IQCE: variants seen among roughly 807,000 people sequenced by gnomAD.
IQCE encodes the protein IQ domain-containing protein E.
In IQCE, 115 loss-of-function variants were observed where a neutral mutation model predicts 96.0. The observed-to-expected ratio is 1.20, with a 90% CI of 1.03 to 1.40. The LOEUF is 1.40. Ranked by LOEUF, IQCE falls within the 40% of genes most tolerant of loss-of-function variation. IQCE has a pLI of 0.00. For synonymous variants in IQCE, 412 were observed against 371.2 expected, an observed-to-expected ratio of 1.11 and a Z score of -1.26; for missense variants, 1,041 against 909.1, an observed-to-expected ratio of 1.15 and a Z score of -1.87.
rs1055605233 is a variant in IQCE at position 2,592,472 on chromosome 7, T to G, written c.1245-550T>G. 2.0e-5 allele frequency among the ~76,000 whole-genome samples: 3 copies of G among 152,334 alleles called. No individual in the cohort carries two copies. In the South Asian group the frequency reaches 6.2e-4, roughly 32 times the overall value. On this transcript the variant is annotated intron_variant, in intron 14 of 21. Transcript: ENST00000402050. ...GAAGCACTCTAGGGTTGCTGGCATTTAATACAGAGACTCACAGGCCCTGAG... is the reference window on the plus strand; with the variant it reads ...GAAGCACTCTAGGGTTGCTGGCATTGAATACAGAGACTCACAGGCCCTGAG...
intron 14 of IQCE, among the ~76,000 whole-genome samples, chr7:2,591,737 C>T (rs926504529): frequency 6.6e-6 from 1 of 151,996 alleles, no homozygotes; most frequent in African/African-American, 2.4e-5. Flanking sequence ...TCTCATGCCT[C>T]AGCCTCCCAA....
At chr7:2,604,590 A>T (rs1008592930) in intron 18 of IQCE, among the ~76,000 whole-genome samples, 1 of 152,176 alleles carries the variant, frequency 6.6e-6, no homozygotes, top group Non-Finnish European at 1.5e-5. Context: ...ACCAGCTCCT[A>T]TTAGCCGCTG....
chr7:2,574,095 C>T (rs997765125), intron 6 of IQCE, among the ~76,000 whole-genome samples: 1 of 152,214 alleles, frequency 6.6e-6, no homozygotes, highest in Non-Finnish European at 1.5e-5. Flanking sequence ...TGAGCTGTAT[C>T]GTCATTGTCA....
intron 2 of IQCE, among the ~76,000 whole-genome samples, chr7:2,568,614 GC>G (rs1377218876): frequency 6.6e-6 from 1 of 152,200 alleles, no homozygotes; most frequent in East Asian, 1.9e-4. Context: ...ACAGAGGTGC[GC>G]TGGGCTCCCA....
chr7:2,606,048 C>A, intron 20 of IQCE, 51 bp downstream of exon 20: 1 of 1,556,652 alleles, frequency 6.4e-7, no homozygotes, highest in Non-Finnish European at 8.7e-7. Flanking sequence ...CGAGAGGCTG[C>A]CCACCGCACT....
At chr7:2,593,635 A>G (rs1271399312) in intron 15 of IQCE, among the ~76,000 whole-genome samples, 1 of 152,256 alleles carries the variant, frequency 6.6e-6, no homozygotes, top group East Asian at 1.9e-4. Context: ...AGCCAGGCAC[A>G]AAAGGCCGCG....
At chr7:2,560,097 C>A (rs976256524) in intron 1 of IQCE, among the ~76,000 whole-genome samples, 5 of 152,138 alleles carry the variant, frequency 3.3e-5, no homozygotes, top group Non-Finnish European at 7.4e-5. Context: ...GAGGTGGAAG[C>A]TACAGTGAAC....
At chr7:2,592,411 C>G (rs1197817133) in intron 14 of IQCE, among the ~76,000 whole-genome samples, 1 of 152,246 alleles carries the variant, frequency 6.6e-6, no homozygotes, top group Non-Finnish European at 1.5e-5. Context: ...CAAGAGCCAC[C>G]TCTTAGGAGC....
intron 9 of IQCE, among the ~76,000 whole-genome samples, chr7:2,583,434 G>C (rs1320356860): frequency 6.6e-6 from 1 of 152,068 alleles, no homozygotes; most frequent in African/African-American, 2.4e-5. Context: ...ATGCTTTCCA[G>C]CGTGAGGAAT....
At chr7:2,591,161 G>T (rs2128459420) in intron 14 of IQCE, among the ~76,000 whole-genome samples, 1 of 152,114 alleles carries the variant, frequency 6.6e-6, no homozygotes, top group East Asian at 1.9e-4. Flanking sequence ...GCTGAGGTGG[G>T]AGAATCGCTT....
At chr7:2,579,507 GA>G (rs1051519101) in intron 8 of IQCE, among the ~76,000 whole-genome samples, 3 of 152,076 alleles carry the variant, frequency 2.0e-5, no homozygotes, top group Non-Finnish European at 4.4e-5. Context: ...AATCTCTAAA[GA>G]AAAAAGGCCG....
Position 2,586,225 on chromosome 7 carries a change from A to G in IQCE, c.842A>G (p.Lys281Arg). Reference sequence around the variant, plus strand: ...TGTTCCAGGCCCCTGGGGGAGAAGAAGACGGGCGCCAAAAGGCAGAAGAAG... The same window carrying G: ...TGTTCCAGGCCCCTGGGGGAGAAGAGGACGGGCGCCAAAAGGCAGAAGAAG... ...TTGKKPLGEK[K>R]TGAKRQKKMG... The change falls in exon 12 of 22, where the codon AAG (lysine) becomes AGG (arginine). Residue 281 changes from lysine to arginine, a missense_variant. Coordinates refer to ENST00000402050, the MANE Select transcript of IQCE (RefSeq NM_152558.5). 6.2e-7 allele frequency: 1 copy of G among 1,613,852 alleles called. No homozygotes were observed.
intron 1 of IQCE, chr7:2,566,557 T>C (rs1781391776): frequency 6.6e-6 from 1 of 150,550 alleles, no homozygotes; most frequent in South Asian, 2.1e-4. Flanking sequence ...CCTCCTAGGC[T>C]CAAGCGATCC....
At chr7:2,584,024 G>A (rs905925525) in intron 10 of IQCE, among the ~76,000 whole-genome samples, 4 of 151,846 alleles carry the variant, frequency 2.6e-5, no homozygotes, top group African/African-American at 9.6e-5. Context: ...GGGGACCGGC[G>A]CTGGCCCCGG....
rs767024644 is a variant in IQCE at position 2,604,970 on chromosome 7, C to T, written c.1722C>T (p.Ser574=). The T allele has an allele frequency of 5.1e-5, 83 of 1,613,022 alleles. No homozygotes were observed. Among genetic ancestry groups the T allele is most frequent in the Admixed American group, 8.3e-5 (5 of 59,988 alleles). ...AAGCACATGGCTCAGAGCCACCCAG[C>T]GTGCCAGGCCTCCCAGACCAGGTAA... ...ASKAHGSEPP[S]VPGLPDQSSP... is the part of the protein sequence containing the mutation. Residue 574 remains serine, a synonymous_variant, in exon 19 of 22, where the codon AGC becomes AGT. Transcript: ENST00000402050.
At chr7:2,563,820 G>A (rs1781154673) in intron 1 of IQCE, among the ~76,000 whole-genome samples, 1 of 150,160 alleles carries the variant, frequency 6.7e-6, no homozygotes, top group Non-Finnish European at 1.5e-5. Context: ...TGTGAACCCG[G>A]GAGGCGGAGC....
chr7:2,594,459 T>C (rs1260184344), intron 15 of IQCE, among the ~76,000 whole-genome samples: 2 of 152,240 alleles, frequency 1.3e-5, no homozygotes, highest in Non-Finnish European at 2.9e-5. Context: ...CAGTGGTCAG[T>C]GGTCCCTGCT....
chr7:2,582,613 C>G lies in IQCE; in HGVS notation c.664C>G (p.Leu222Val), dbSNP rs1230851092. 1 of 1,614,058 alleles carries G rather than the reference C, an allele frequency of 6.2e-7. No individual in the cohort carries two copies. Among genetic ancestry groups the G allele is most frequent in the East Asian group, 2.2e-5 (1 of 44,882 alleles). Reference protein sequence around the residue: ...INGLKQRILKLEQQCKEKDGT... With the variant: ...INGLKQRILKVEQQCKEKDGT... The stretch of plus-strand genomic sequence containing the variant: ...CGGGCTGAAGCAGAGGATCCTGAAG[C>G]TGGAACAGCAGTGCAAGGAGAAGGA... The change falls in exon 9 of 22, where the codon CTG becomes GTG. Residue 222 changes from leucine (L) to valine (V), a missense_variant. By Grantham distance (32) the Leu-to-Val change is conservative (BLOSUM62 1). Transcript: ENST00000402050.
chr7:2,561,183 C>G (rs1780925017), intron 1 of IQCE, among the ~76,000 whole-genome samples: 4 of 151,922 alleles, frequency 2.6e-5, no homozygotes, highest in Admixed American at 2.6e-4. Flanking sequence ...GTCTCTAACT[C>G]CTGACCTCAG....
Sources: allele counts gnomAD v4.1 joint callset (sites outside exome capture counted in the v4.1 genomes callset), GRCh38; gene constraint gnomAD v4.1.1; transcripts MANE v1.5; gene names NCBI Gene and HGNC (gene_info 2026-07-23, HGNC 2026-07-21).